The following COA8 variants were observed in gnomAD, a reference collection of about 807,000 sequenced individuals.
The protein encoded by COA8 is cytochrome c oxidase assembly factor 8, also known as UPF0671 protein C14orf153.
A neutral mutation model predicts 22.0 loss-of-function variants in COA8; 20 were observed. The ratio of observed to expected loss-of-function variants is 0.91; its 90% CI spans 0.64 to 1.32. COA8 has a LOEUF of 1.32. COA8 is among the 40% of genes most tolerant of loss of function. COA8 has a pLI of 0.00. For synonymous variants in COA8, 105 were observed against 79.9 expected (o/e 1.31, Z -1.68); for missense variants, 266 against 230.0 (o/e 1.16, Z -1.01).
chr14:103,584,693 C>G (rs1439316861), intron 3 of COA8, among the ~76,000 whole-genome samples: 3 of 152,102 alleles, frequency 2.0e-5, no homozygotes, highest in Non-Finnish European at 2.9e-5. Context: ...TTGTTATTGT[C>G]TGTGTTTAAT....
At chr14:103,569,074 T>C (rs1202317644) in intron 1 of COA8, among the ~76,000 whole-genome samples, 1 of 152,062 alleles carries the variant, frequency 6.6e-6, no homozygotes, top group African/African-American at 2.4e-5. Flanking sequence ...ACTGTGAGGG[T>C]CTAGCGTGCC....
At chr14:103,588,694 A>T (rs983223227) in intron 4 of COA8, among the ~76,000 whole-genome samples, 4 of 151,758 alleles carry the variant, frequency 2.6e-5, no homozygotes, top group Non-Finnish European at 5.9e-5. Context: ...AAATACAAAA[A>T]TTAGCTTGGT....
Position 103,586,200 on chromosome 14 carries a change from C to CTTTTTTTTT in COA8, c.386-1060_386-1052dup, listed in dbSNP as rs71126040. Among the ~76,000 whole-genome samples, 61 of 92,684 alleles carry CTTTTTTTTT rather than the reference C, an allele frequency of 6.6e-4. 3 individuals carry two copies. The highest frequency in any genetic ancestry group is 1.1e-3 in the East Asian group (3 of 2,798). 60.8% of individuals were successfully genotyped at this position (92,684 alleles called of 152,430 possible). On this transcript the variant is annotated intron_variant, in intron 3 of 4. Transcript: ENST00000409074. The stretch of plus-strand genomic sequence containing the variant: ...ATAGGCGTGAGCCACTGCACCTGGC[C>CTTTTTTTTT]TTTTTTTTTTTTTTTTTTTTTTAAC...
intron 3 of COA8, among the ~76,000 whole-genome samples, chr14:103,579,781 T>C (rs2076253861): frequency 6.6e-6 from 1 of 151,060 alleles, no homozygotes; most frequent in South Asian, 2.1e-4. Flanking sequence ...TGGCCAACAA[T>C]GTGAAATCCC....
chr14:103,584,554 TATG>T (rs2076291540), intron 3 of COA8, among the ~76,000 whole-genome samples: 1 of 152,190 alleles, frequency 6.6e-6, no homozygotes, highest in South Asian at 2.1e-4. Context: ...ACGTGGGTCT[TATG>T]ATCACGAACT....
intron 3 of COA8, among the ~76,000 whole-genome samples, chr14:103,584,504 A>G (rs2076291129): frequency 6.6e-6 from 1 of 152,194 alleles, no homozygotes; most frequent in South Asian, 2.1e-4. Context: ...GCTCTGTGCC[A>G]GGAACAGGGG....
chr14:103,584,856 T>G (rs1028129770), intron 3 of COA8, among the ~76,000 whole-genome samples: 3 of 152,108 alleles, frequency 2.0e-5, no homozygotes, highest in Non-Finnish European at 4.4e-5. Context: ...AGTGGATGAT[T>G]TGGCCAGGTG....
At chr14:103,589,626 A>G (rs1484936245) in intron 4 of COA8, among the ~76,000 whole-genome samples, 1 of 152,014 alleles carries the variant, frequency 6.6e-6, no homozygotes, top group Non-Finnish European at 1.5e-5. Context: ...AAAAAACTCC[A>G]AAGGAGGGGC....
intron 1 of COA8, chr14:103,563,526 C>T: frequency 2.8e-6 from 1 of 353,608 alleles, no homozygotes; most frequent in Non-Finnish European, 5.5e-6. Context: ...AAGCGGCGAG[C>T]ACTTTATCAT....
intron 3 of COA8, among the ~76,000 whole-genome samples, chr14:103,585,899 T>G (rs560164789): frequency 8.6e-5 from 13 of 150,446 alleles, no homozygotes; most frequent in East Asian, 7.9e-4. Flanking sequence ...GTTTTTTGTT[T>G]TTTTTTGTTT....
At chr14:103,570,908 CAG>C (rs954353440) in intron 1 of COA8, among the ~76,000 whole-genome samples, 2 of 152,128 alleles carry the variant, frequency 1.3e-5, no homozygotes, top group Non-Finnish European at 2.9e-5. Context: ...GGTGCAATCA[CAG>C]GGGTGTGGGA....
intron 1 of COA8, among the ~76,000 whole-genome samples, chr14:103,566,981 C>T (rs188816317): frequency 2.0e-4 from 31 of 152,290 alleles, no homozygotes; most frequent in Non-Finnish European, 3.4e-4. Flanking sequence ...AAACATAGCT[C>T]ACCACAGCCT....
chr14:103,585,091 T>C (rs1203597984), intron 3 of COA8, among the ~76,000 whole-genome samples: 2 of 151,944 alleles, frequency 1.3e-5, no homozygotes, highest in South Asian at 2.1e-4. Context: ...TGAGCCGAGA[T>C]TGCGCCACTG....
chr14:103,578,221 G>T (rs1349291470), intron 3 of COA8, among the ~76,000 whole-genome samples: 1 of 151,976 alleles, frequency 6.6e-6, no homozygotes, highest in African/African-American at 2.4e-5. Context: ...GGGAAACATG[G>T]GAAGAGTTCA....
At chr14:103,587,183 C>A in intron 3 of COA8, 91 bp from the exon 4 acceptor site, 1 of 948,896 alleles carries the variant, frequency 1.1e-6, no homozygotes, top group Non-Finnish European at 1.6e-6. Flanking sequence ...ATATATCCTG[C>A]AAGCTTGCTG....
chr14:103,589,807 G>A (rs1214169434), intron 4 of COA8, among the ~76,000 whole-genome samples: 9 of 151,640 alleles, frequency 5.9e-5, no homozygotes, highest in Non-Finnish European at 1.2e-4. Flanking sequence ...CCAGCTACTC[G>A]GGAGGCTGAG....
chr14:103,590,105 G>C, intron 4 of COA8, 76 bp from the exon 5 acceptor site: 1 of 1,250,692 alleles, frequency 8.0e-7, no homozygotes, highest in Non-Finnish European at 1.2e-6. Context: ...CCTCAACTGG[G>C]AGCCACTTCT....
chr14:103,564,069 C>A (rs1029176931), intron 1 of COA8, among the ~76,000 whole-genome samples: 1 of 151,928 alleles, frequency 6.6e-6, no homozygotes, highest in Non-Finnish European at 1.5e-5. Flanking sequence ...AGGAAAATCG[C>A]TTGAACCCGG....
rs1566988269 is a variant in COA8, at chr14:103,590,268, AAAG to A, written c.569_571del (p.Lys190del). The A allele has an allele frequency of 1.9e-6, 3 of 1,614,068 alleles. No homozygotes were observed. The highest frequency in any genetic ancestry group is 1.1e-5 in the South Asian group (1 of 91,072). ...TTTGGAACAAGCTTAAACAGAAACA[AAAG>A]AAGAGGAGCAACTAGGAGTCCACTC... On this transcript the variant is annotated inframe_deletion, in exon 5 of 5. Coordinates refer to ENST00000409074, the MANE Select transcript of COA8 (RefSeq NM_001370595.2).
Sources: allele counts gnomAD v4.1 joint callset (sites outside exome capture counted in the v4.1 genomes callset), GRCh38; gene constraint gnomAD v4.1.1; transcripts MANE v1.5; gene names NCBI Gene and HGNC (gene_info 2026-07-23, HGNC 2026-07-21).